TRAPPC9: variants seen among roughly 807,000 people sequenced by gnomAD.
TRAPPC9 encodes the protein trafficking protein particle complex subunit 9.
In TRAPPC9, 83 loss-of-function variants were observed where a neutral mutation model predicts 124.0. That is an observed-to-expected ratio of 0.67 (90% CI 0.56 to 0.80). The LOEUF (loss-of-function observed/expected upper bound fraction) is 0.80. Among genes scored for constraint, TRAPPC9 ranks in the 30% least tolerant of loss-of-function variants. The probability of loss-of-function intolerance (pLI) is 0.00; values close to 1 mark genes in which losing one functional copy is unlikely to be tolerated. For missense variants in TRAPPC9, 1,302 were observed against 1,508.3 expected, an observed-to-expected ratio of 0.86 and a Z score of 2.27; for synonymous variants, 638 against 617.5, an observed-to-expected ratio of 1.03 and a Z score of -0.49.
intron 19 of TRAPPC9, among the ~76,000 whole-genome samples, chr8:139,938,709 A>C (rs1176649259): frequency 6.7e-6 from 1 of 149,124 alleles, no homozygotes; most frequent in African/African-American, 2.5e-5. Flanking sequence ...GCAGTGGCGC[A>C]ATCTCGGCTC....
At chr8:140,103,635 A>G (rs1379610320) in intron 17 of TRAPPC9, among the ~76,000 whole-genome samples, 3 of 152,238 alleles carry the variant, frequency 2.0e-5, no homozygotes, top group Admixed American at 2.0e-4. Context: ...AGTGCCTAGA[A>G]TCTAATAAGT....
At chr8:139,770,012 C>G (rs1259684467) in intron 21 of TRAPPC9, among the ~76,000 whole-genome samples, 1 of 152,194 alleles carries the variant, frequency 6.6e-6, no homozygotes, top group Non-Finnish European at 1.5e-5. Flanking sequence ...TTTTGCCACC[C>G]GCCAGTGGTG....
intron 17 of TRAPPC9, among the ~76,000 whole-genome samples, chr8:140,163,259 C>G (rs966062282): frequency 6.6e-6 from 1 of 152,140 alleles, no homozygotes; most frequent in Non-Finnish European, 1.5e-5. Context: ...GTCTGCCTCA[C>G]GGTGACTTTC....
At chr8:140,225,557 A>G (rs954896367) in intron 16 of TRAPPC9, among the ~76,000 whole-genome samples, 2 of 152,226 alleles carry the variant, frequency 1.3e-5, no homozygotes, top group African/African-American at 4.8e-5. Context: ...CCACGACACC[A>G]TAATGCCTGC....
intron 16 of TRAPPC9, among the ~76,000 whole-genome samples, chr8:140,226,036 G>C (rs2063442677): frequency 6.6e-6 from 1 of 152,206 alleles, no homozygotes; most frequent in African/African-American, 2.4e-5. Flanking sequence ...GAGGAAAGCA[G>C]AGTGAACATC....
intron 15 of TRAPPC9, among the ~76,000 whole-genome samples, chr8:140,269,351 C>G (rs1367985741): frequency 6.6e-6 from 1 of 151,912 alleles, no homozygotes; most frequent in African/African-American, 2.4e-5. Flanking sequence ...ACCATCCTGG[C>G]TAACACGGTG....
At chr8:140,302,652 G>A (rs1405572623) in intron 10 of TRAPPC9, 1 of 152,216 alleles carries the variant, frequency 6.6e-6, no homozygotes, top group African/African-American at 2.4e-5. Context: ...CAGACGAACC[G>A]GTCGAGAGGA....
intron 17 of TRAPPC9, among the ~76,000 whole-genome samples, chr8:140,218,904 G>A (rs2063266206): frequency 1.3e-5 from 2 of 152,040 alleles, no homozygotes; most frequent in South Asian, 4.1e-4. Flanking sequence ...AGACTTCAGT[G>A]AGCCGAGATC....
At chr8:140,052,211 AAACAACAACAAC>A (rs58435328) in intron 17 of TRAPPC9, among the ~76,000 whole-genome samples, 5,491 of 151,712 alleles carry the variant, frequency 0.036, 305 homozygotes, top group African/African-American at 0.12. Context: ...GTATTCTCCA[AAACAACAACAAC>A]AACAACAACA....
At chr8:140,030,070 G>A (rs1840408122) in intron 17 of TRAPPC9, among the ~76,000 whole-genome samples, 1 of 152,082 alleles carries the variant, frequency 6.6e-6, no homozygotes, top group Non-Finnish European at 1.5e-5. Flanking sequence ...AATAATAGTT[G>A]ACGAAATTCA....
chr8:139,803,029 C>T (rs967162008), intron 21 of TRAPPC9, among the ~76,000 whole-genome samples: 2 of 151,098 alleles, frequency 1.3e-5, no homozygotes, highest in South Asian at 2.1e-4. Context: ...CGTAGATGAA[C>T]GTGTGTGTAT....
chr8:140,273,652 T>C (rs1380186508), intron 15 of TRAPPC9, among the ~76,000 whole-genome samples: 2 of 152,204 alleles, frequency 1.3e-5, no homozygotes, highest in East Asian at 3.9e-4. Flanking sequence ...TCCAGGCATC[T>C]GCCCAGGCCC....
chr8:139,994,300 G>A (rs1403588565), intron 18 of TRAPPC9, among the ~76,000 whole-genome samples: 1 of 152,244 alleles, frequency 6.6e-6, no homozygotes, highest in Admixed American at 6.5e-5. Context: ...TCCTTCTGTG[G>A]AGCCGAGAGG....
chr8:140,085,273 T>C (rs1420252205), intron 17 of TRAPPC9, among the ~76,000 whole-genome samples: 1 of 151,668 alleles, frequency 6.6e-6, no homozygotes, highest in African/African-American at 2.4e-5. Flanking sequence ...ACTACACCAC[T>C]TGCCCTTATT....
At position 140,450,918 on chromosome 8, in the gene TRAPPC9, G is replaced by A. The variant is rs61740786; in HGVS notation, c.456C>T (p.Ile152=). ...ACTCCAGCACGATGAACAGTGACTCGATGAAGTCCTCGATTCTCTTCTCCA... is the reference window on the plus strand; with the variant it reads ...ACTCCAGCACGATGAACAGTGACTCAATGAAGTCCTCGATTCTCTTCTCCA... The part of the protein sequence containing the change: ...QTVEKRIEDF[I]ESLFIVLESK... Residue 152 remains isoleucine (I), a synonymous_variant, in exon 2 of 23, where the codon ATC becomes ATT. Coordinates refer to ENST00000438773, the MANE Select transcript of TRAPPC9 (RefSeq NM_001160372.4). The A allele has an allele frequency of 0.012, 20,059 of 1,614,118 alleles. 139 individuals are homozygous for A. The highest frequency in any genetic ancestry group is 0.014 in the Non-Finnish European group (16,357 of 1,180,000).
chr8:140,287,663 C>T lies in TRAPPC9; in HGVS notation c.1926G>A (p.Leu642=), dbSNP rs984084857. Reference sequence around the variant, plus strand: ...GGACCCCGACGAGCGTCACTGGGTACAGACCAGATTCAGCCGGAAGAGAAA... The same window carrying T: ...GGACCCCGACGAGCGTCACTGGGTATAGACCAGATTCAGCCGGAAGAGAAA... The part of the protein sequence containing the change: ...AALSLPAESG[L]YPVTLVGVPQ... The change falls in exon 13 of 23, where the codon CTG becomes CTA. Residue 642 remains leucine (L), a synonymous_variant. Coordinates refer to ENST00000438773, the MANE Select transcript of TRAPPC9 (RefSeq NM_001160372.4). 6.8e-6 allele frequency: 11 copies of T among 1,614,092 alleles called. No homozygotes were observed. Among genetic ancestry groups the T allele is most frequent in the Non-Finnish European group, 8.5e-6 (10 of 1,180,046 alleles).
chr8:139,774,664 C>G (rs4736091), intron 21 of TRAPPC9, among the ~76,000 whole-genome samples: 29,964 of 152,148 alleles, frequency 0.2, 5,161 homozygotes, highest in African/African-American at 0.46. Flanking sequence ...GCAGGTGCTC[C>G]ACAACATTTC....
At chr8:140,044,262 A>G (rs1052763649) in intron 17 of TRAPPC9, among the ~76,000 whole-genome samples, 4 of 149,970 alleles carry the variant, frequency 2.7e-5, no homozygotes, top group Non-Finnish European at 5.9e-5. Flanking sequence ...AAGCAACAGA[A>G]CAACAACGAC....
chr8:140,174,272 A>C (rs1216354967), intron 17 of TRAPPC9, among the ~76,000 whole-genome samples: 1 of 152,168 alleles, frequency 6.6e-6, no homozygotes, highest in Admixed American at 6.5e-5. Context: ...ACTAATGGAC[A>C]CTGGGCTTAA....
Sources: allele counts gnomAD v4.1 joint callset (sites outside exome capture counted in the v4.1 genomes callset), GRCh38; gene constraint gnomAD v4.1.1; transcripts MANE v1.5; gene names NCBI Gene and HGNC (gene_info 2026-07-23, HGNC 2026-07-21).